The following WHRN variants were observed in gnomAD, a reference collection of about 807,000 sequenced individuals.
The protein encoded by WHRN is whirlin.
WHRN carries 41 observed loss-of-function variants against 68.3 expected under a neutral mutation model. That is an observed-to-expected ratio of 0.60 (90% CI 0.47 to 0.78). WHRN has a LOEUF of 0.78. Among genes scored for constraint, WHRN ranks in the 30% least tolerant of loss-of-function variants. The probability of loss-of-function intolerance (pLI) is 0.00; values close to 1 mark genes in which losing one functional copy is unlikely to be tolerated. For missense variants in WHRN, 1,243 were observed against 1,244.7 expected, an observed-to-expected ratio of 1.00 and a Z score of 0.02; for synonymous variants, 560 against 561.3, an observed-to-expected ratio of 1.00 and a Z score of 0.03.
chr9:114,484,150 C>T (rs117276256), intron 1 of WHRN, among the ~76,000 whole-genome samples: 149 of 152,306 alleles, frequency 9.8e-4, no homozygotes, highest in Non-Finnish European at 1.4e-3. Context: ...ATACGCACCC[C>T]AACTCGGCAC....
rs540012781 is a variant in WHRN, at chr9:114,453,759, C to A, written c.963+12508G>T. On this transcript the variant is annotated intron_variant, in intron 3 of 11. Coordinates refer to ENST00000362057, the MANE Select transcript of WHRN (RefSeq NM_015404.4). ...CAAAAAATGGAGTTTATAGTTAAAT[C>A]ATCTCCCCCAAAAAAACTCAAGCCC... 6.1e-4 allele frequency among the ~76,000 whole-genome samples: 93 copies of A among 152,192 alleles called. 2 individuals are homozygous for A. The South Asian group carries it at 0.019, about 32-fold the overall frequency.
intron 4 of WHRN, chr9:114,425,290 C>T (rs896934794): frequency 4.6e-5 from 29 of 628,226 alleles, no homozygotes; most frequent in Admixed American, 1.0e-4. Context: ...GCCAACCCCG[C>T]AGGACCAGGC....
At position 114,402,545 on chromosome 9, in the gene WHRN, G is replaced by C; in HGVS notation, c.*209C>G. On this transcript the variant is annotated 3_prime_UTR_variant, in exon 12 of 12. Transcript: ENST00000362057. ...GGGCGCCTACTGTGTACCCAGTACAGCACCAGTTCCTGACCTGACCTTCTG... is the reference window on the plus strand; with the variant it reads ...GGGCGCCTACTGTGTACCCAGTACACCACCAGTTCCTGACCTGACCTTCTG... The C allele has an allele frequency of 1.5e-6, 1 of 660,384 alleles. No homozygotes were observed. The highest frequency in any genetic ancestry group is 2.7e-6 in the Non-Finnish European group (1 of 374,020). The allele number at this position is 660,384 out of a possible 1,614,324, so 40.9% of individuals were successfully genotyped here.
At chr9:114,425,492 T>A (rs2132393324) in intron 4 of WHRN, 1 of 376,218 alleles carries the variant, frequency 2.7e-6, no homozygotes, top group Admixed American at 4.3e-5. Context: ...AAATCCAGTT[T>A]TTTTTTTTAT....
chr9:114,406,083 C>G (rs774399302), intron 9 of WHRN, among the ~76,000 whole-genome samples: 22 of 152,222 alleles, frequency 1.4e-4, no homozygotes, highest in Non-Finnish European at 2.9e-4. Context: ...GAGAAGGCAC[C>G]CCGACGCTCG....
In WHRN at chr9:114,478,651, G is replaced by C; in HGVS notation, c.739C>G (p.Pro247Ala). The C allele has an allele frequency of 6.2e-7, 1 of 1,613,712 alleles. No homozygotes were observed. The highest frequency in any genetic ancestry group is 8.5e-7 in the Non-Finnish European group (1 of 1,179,978). The change falls in exon 2 of 12, where the codon CCC becomes GCC. Residue 247 changes from proline (P) to alanine (A), a missense_variant. Coordinates refer to ENST00000362057, the MANE Select transcript of WHRN (RefSeq NM_015404.4). ...VDPQGRSISP[P>A]SGLPQPHGGA... ...CCGTGGGGCTGGGGCAGGCCCGAGGGTGGGGAGATGCTGCGGCCCTGCGGG... is the reference window on the plus strand; with the variant it reads ...CCGTGGGGCTGGGGCAGGCCCGAGGCTGGGGAGATGCTGCGGCCCTGCGGG...
At chr9:114,420,995 G>A (rs1422716445) in intron 7 of WHRN, among the ~76,000 whole-genome samples, 1 of 151,952 alleles carries the variant, frequency 6.6e-6, no homozygotes, top group Non-Finnish European at 1.5e-5. Flanking sequence ...GGCTCACCCT[G>A]GTCTAGGAGA....
chr9:114,405,822 G>GA (rs1257670371), intron 9 of WHRN, among the ~76,000 whole-genome samples: 4 of 152,248 alleles, frequency 2.6e-5, no homozygotes, highest in Non-Finnish European at 4.4e-5. Flanking sequence ...TCAGGGTGGG[G>GA]AGGCAGGCTC....
chr9:114,424,662 C>T, intron 5 of WHRN, 116 bp from the exon 6 acceptor site: 1 of 1,185,786 alleles, frequency 8.4e-7, no homozygotes. Flanking sequence ...ATCTGTTATT[C>T]TCCCTCATAA....
chr9:114,478,804 G>A (rs754204772), intron 1 of WHRN, 33 bp from the exon 2 acceptor site: 3 of 1,585,798 alleles, frequency 1.9e-6, no homozygotes, highest in South Asian at 2.3e-5. Flanking sequence ...GTTAGAGGAA[G>A]GGAGGTGCCG....
chr9:114,504,966 G>A lies in WHRN; in HGVS notation c.-165C>T, dbSNP rs1220184628. On this transcript the variant is annotated 5_prime_UTR_variant, in exon 1 of 12. Coordinates refer to ENST00000362057, the MANE Select transcript of WHRN (RefSeq NM_015404.4). The stretch of plus-strand genomic sequence containing the variant: ...AGTGGCTGGATCCTAGGGGGTCGCG[G>A]AGACCGCTGCTAGAGTCCCGGAGGC... The A allele has an allele frequency of 1.9e-6, 2 of 1,064,134 alleles. No homozygotes were observed. The highest frequency in any genetic ancestry group is 2.4e-6 in the Non-Finnish European group (2 of 818,942). 65.9% of individuals were successfully genotyped at this position (1,064,134 alleles called of 1,614,324 possible). A position where few individuals can be genotyped will look rare whatever the true frequency, so the allele number is the denominator to read the frequency against.
chr9:114,494,189 A>AT (rs1227070840), intron 1 of WHRN, among the ~76,000 whole-genome samples: 3 of 152,304 alleles, frequency 2.0e-5, no homozygotes, highest in East Asian at 3.9e-4. Flanking sequence ...TGGTGGTGAT[A>AT]TTTTTTAGTG....
At chr9:114,497,516 T>TA (rs35793267) in intron 1 of WHRN, among the ~76,000 whole-genome samples, 58,613 of 144,964 alleles carry the variant, frequency 0.4, 13,963 homozygotes, top group Non-Finnish European at 0.55. Flanking sequence ...TTTTTGTTTT[T>TA]AAAAAAAAAA....
At chr9:114,406,136 T>C (rs545774611) in intron 9 of WHRN, among the ~76,000 whole-genome samples, 28 of 152,276 alleles carry the variant, frequency 1.8e-4, no homozygotes, top group African/African-American at 6.5e-4. Context: ...CATTTTATGA[T>C]GGGGAAAGCA....
chr9:114,499,075 T>C (rs886637386), intron 1 of WHRN, among the ~76,000 whole-genome samples: 26 of 152,328 alleles, frequency 1.7e-4, no homozygotes, highest in Middle Eastern at 6.8e-3. Flanking sequence ...ATGGGAAATC[T>C]CTGTATCTTC....
intron 8 of WHRN, 36 bp from the exon 9 acceptor site, chr9:114,406,928 A>T: frequency 6.4e-7 from 1 of 1,551,234 alleles, no homozygotes; most frequent in Non-Finnish European, 8.7e-7. Flanking sequence ...AAGGAGTCAG[A>T]CCCCATCACG....
intron 3 of WHRN, among the ~76,000 whole-genome samples, chr9:114,450,352 C>T (rs1326335452): frequency 6.6e-6 from 1 of 152,142 alleles, no homozygotes; most frequent in Non-Finnish European, 1.5e-5. Context: ...GCAGGATTAG[C>T]CTCGAGTTTA....
chr9:114,403,321 T>A lies in WHRN; in HGVS notation c.2437A>T (p.Thr813Ser), dbSNP rs1461638506. The A allele has an allele frequency of 6.2e-7, 1 of 1,613,902 alleles. No homozygotes were observed. Among genetic ancestry groups the A allele is most frequent in the Non-Finnish European group, 8.5e-7 (1 of 1,180,014 alleles). ...ANKPPGLLEP[T>S]STLVRVKKSA... Reference sequence around the variant, plus strand: ...TTCTTCACACGGACCAGAGTGGACGTGGGCTCCAGAAGTCCAGGCTGTGGG... The same window carrying A: ...TTCTTCACACGGACCAGAGTGGACGAGGGCTCCAGAAGTCCAGGCTGTGGG... The change falls in exon 11 of 12, where the codon ACG becomes TCG. Residue 813 changes from threonine (T) to serine (S), a missense_variant. Physicochemically the swap from Thr to Ser is moderately conservative, Grantham distance 58. Coordinates refer to ENST00000362057, the MANE Select transcript of WHRN (RefSeq NM_015404.4).
chr9:114,498,367 G>T (rs901717290), intron 1 of WHRN, among the ~76,000 whole-genome samples: 4 of 152,164 alleles, frequency 2.6e-5, no homozygotes, highest in Non-Finnish European at 4.4e-5. Context: ...TTCAGAGAGG[G>T]TGGCAGGGAT....
Sources: gnomAD v4.1 joint callset for allele counts (sites outside exome capture counted in the v4.1 genomes callset) on GRCh38, gnomAD v4.1.1 for gene constraint, MANE v1.5 for transcripts, NCBI Gene and HGNC (gene_info 2026-07-23, HGNC 2026-07-21) for gene names.